SNAPC3: variants seen among roughly 807,000 people sequenced by gnomAD.
SNAPC3 encodes small nuclear RNA activating complex polypeptide 3.
A neutral mutation model predicts 47.7 loss-of-function variants in SNAPC3; 56 were observed. The ratio of observed to expected loss-of-function variants is 1.18; its 90% confidence interval spans 0.95 to 1.47. SNAPC3 has a LOEUF of 1.47. Ranked by LOEUF, SNAPC3 falls within the 40% of genes most tolerant of loss-of-function variation. The pLI is 0.00. For synonymous variants in SNAPC3, 235 were observed against 189.9 expected (o/e 1.24, Z -1.95); for missense variants, 665 against 511.3 (o/e 1.30, Z -2.90).
chr9:15,449,743 G>A (rs1040527896), intron 5 of SNAPC3, among the ~76,000 whole-genome samples: 1 of 151,040 alleles, frequency 6.6e-6, no homozygotes, highest in African/African-American at 2.4e-5. Flanking sequence ...GCTAATTTTT[G>A]TATTTTTAGT....
At chr9:15,449,308 A>G (rs2034184093) in intron 5 of SNAPC3, among the ~76,000 whole-genome samples, 1 of 151,806 alleles carries the variant, frequency 6.6e-6, no homozygotes, top group African/African-American at 2.4e-5. Flanking sequence ...CCTTCAGGAA[A>G]CCCTGGAGAA....
chr9:15,449,979 GT>G (rs1426090755), intron 5 of SNAPC3, among the ~76,000 whole-genome samples: 2 of 152,004 alleles, frequency 1.3e-5, no homozygotes, highest in Admixed American at 1.3e-4. Context: ...CTAAGATGAA[GT>G]TTTATGGCAG....
At chr9:15,453,415 T>G (rs1029317126) in intron 7 of SNAPC3, 9 of 446,694 alleles carry the variant, frequency 2.0e-5, no homozygotes, top group African/African-American at 1.2e-4. Context: ...TTTTGGAAAA[T>G]CTTTAAGAAA....
intron 5 of SNAPC3, 116 bp from the exon 6 acceptor site, chr9:15,451,204 G>GA: frequency 3.2e-6 from 1 of 315,898 alleles, no homozygotes; most frequent in Non-Finnish European, 5.2e-6. Context: ...AATAGTAGCA[G>GA]TTTTTTAACA....
chr9:15,444,609 A>G lies in SNAPC3; in HGVS notation c.485A>G (p.His162Arg). ...QETFVYEMES[H>R]AIGKKPENSA... ...CTCTTTTTCTTTCTTCAGGAGTCAC[A>G]TGCCATAGGAAAAAAGCCTGAAAAT... Residue 162 changes from histidine to arginine, a missense_variant, in exon 4 of 9, where the codon CAT (histidine) becomes CGT (arginine). His to Arg is a conservative substitution (Grantham distance 29, BLOSUM62 0). Coordinates refer to ENST00000380821, the MANE Select transcript of SNAPC3 (RefSeq NM_001039697.2). The G allele has an allele frequency of 1.2e-6, 2 of 1,604,202 alleles. No homozygotes were observed. The highest frequency in any genetic ancestry group is 1.7e-6 in the Non-Finnish European group (2 of 1,171,454).
intron 7 of SNAPC3, 87 bp from the exon 8 acceptor site, chr9:15,457,873 C>CTCAG: frequency 1.3e-6 from 1 of 757,930 alleles, no homozygotes; most frequent in Non-Finnish European, 2.2e-6. Flanking sequence ...TTTCCTAATA[C>CTCAG]TCAGGCACAG....
intron 3 of SNAPC3, among the ~76,000 whole-genome samples, chr9:15,435,798 ATATTT>A (rs1415406257): frequency 1.3e-5 from 2 of 149,478 alleles, no homozygotes; most frequent in African/African-American, 4.9e-5. Flanking sequence ...TAATTTAAAA[ATATTT>A]TATCCCATTC....
At position 15,423,133 on chromosome 9, in the gene SNAPC3, C is replaced by T. The variant is rs781512714; in HGVS notation, c.254C>T (p.Ala85Val). The T allele has an allele frequency of 2.1e-5, 33 of 1,555,912 alleles. No homozygotes were observed. The highest frequency in any genetic ancestry group is 2.7e-5 in the Non-Finnish European group (31 of 1,162,540). ...GCTGACTCCGACCGGGAGGATGCCG[C>T]GGTGGCCAGGGATCTGGACTGCAGC... ...QAADSDREDAAVARDLDCSLE... is the reference protein window; with the variant it reads ...QAADSDREDAVVARDLDCSLE... Residue 85 changes from alanine (A) to valine (V), a missense_variant, in exon 1 of 9, where the codon GCG becomes GTG. Ala to Val is a moderately conservative substitution (Grantham distance 64). Coordinates refer to ENST00000380821, the MANE Select transcript of SNAPC3 (RefSeq NM_001039697.2).
intron 2 of SNAPC3, chr9:15,431,817 G>A (rs1280980683): frequency 3.3e-5 from 5 of 151,068 alleles, no homozygotes; most frequent in African/African-American, 4.9e-5. Flanking sequence ...GTTGTATTAC[G>A]GATGTGTAAT....
In SNAPC3 at chr9:15,454,113, A is replaced by G. The variant is rs111938262; in HGVS notation, c.980+908A>G. ...CTGAGCATAGTGGTGTGTGCCTGTAATCCCAGCTACTCAGGTTAAAACGTG... is the reference window on the plus strand; with the variant it reads ...CTGAGCATAGTGGTGTGTGCCTGTAGTCCCAGCTACTCAGGTTAAAACGTG... On this transcript the variant is annotated intron_variant, in intron 7 of 8. Transcript: ENST00000380821. Among the ~76,000 whole-genome samples, 462 of 152,200 alleles carry G rather than the reference A, an allele frequency of 3.0e-3. 5 individuals carry two copies. Among genetic ancestry groups the G allele is most frequent in the Middle Eastern group, 6.8e-3 (2 of 294 alleles).
chr9:15,449,526 CTAT>C (rs1034542153), intron 5 of SNAPC3, among the ~76,000 whole-genome samples: 4 of 101,224 alleles, frequency 4.0e-5, no homozygotes, highest in South Asian at 3.3e-4. Flanking sequence ...TCTGTCTCTT[CTAT>C]TATTATTATA....
chr9:15,433,106 G>A (rs894021056), intron 2 of SNAPC3, among the ~76,000 whole-genome samples: 2 of 151,966 alleles, frequency 1.3e-5, no homozygotes, highest in Admixed American at 6.6e-5. Context: ...AGGAACTAGC[G>A]GTCAAACCCA....
At chr9:15,434,046 A>G (rs553851947) in intron 3 of SNAPC3, among the ~76,000 whole-genome samples, 1 of 152,354 alleles carries the variant, frequency 6.6e-6, no homozygotes, top group African/African-American at 2.4e-5. Context: ...TAGACACGAT[A>G]GGTTCAGAAT....
At chr9:15,453,243 TTTTC>T (rs1459805706) in intron 7 of SNAPC3, 38 bp downstream of exon 7, 2 of 1,500,070 alleles carry the variant, frequency 1.3e-6, no homozygotes, top group African/African-American at 1.4e-5. Context: ...TTACCTTTTT[TTTTC>T]TTTATTTCAG....
chr9:15,435,056 C>T (rs547908177), intron 3 of SNAPC3, among the ~76,000 whole-genome samples: 19 of 152,180 alleles, frequency 1.2e-4, no homozygotes, highest in Non-Finnish European at 1.9e-4. Context: ...TCCAATTTCT[C>T]CATGTACTTG....
At chr9:15,423,845 C>G (rs1280385472) in intron 1 of SNAPC3, 64 bp from the exon 2 acceptor site, 1 of 957,448 alleles carries the variant, frequency 1.0e-6, no homozygotes, top group African/African-American at 1.7e-5. Context: ...GGAAAACAAC[C>G]CTAACTCGCT....
intron 5 of SNAPC3, among the ~76,000 whole-genome samples, chr9:15,449,678 C>T (rs1217301063): frequency 6.8e-6 from 1 of 148,084 alleles, no homozygotes; most frequent in African/African-American, 2.5e-5. Flanking sequence ...TCACACGATT[C>T]TCCTGCCTCA....
Position 15,447,085 on chromosome 9 carries a change from T to C in SNAPC3, c.583-10T>C, listed in dbSNP as rs780726015. The stretch of plus-strand genomic sequence containing the variant: ...TCTAAATGAACACTTATTTATTCTT[T>C]GACTTTTAGCACAAAGAACACAAAC... On this transcript the variant is annotated splice_polypyrimidine_tract_variant and intron_variant, in intron 4 of 8. Coordinates refer to ENST00000380821, the MANE Select transcript of SNAPC3 (RefSeq NM_001039697.2). 7 of 1,613,114 alleles carry C rather than the reference T, an allele frequency of 4.3e-6. No individual in the cohort carries two copies. The Admixed American group carries it at 6.7e-5, about 15-fold the overall frequency.
chr9:15,441,967 C>T (rs374297757), intron 3 of SNAPC3, among the ~76,000 whole-genome samples: 5 of 152,056 alleles, frequency 3.3e-5, no homozygotes, highest in Admixed American at 6.5e-5. Flanking sequence ...CCAGAAGGGG[C>T]GGCCAGGCAG....
Sources: allele counts gnomAD v4.1 joint callset (sites outside exome capture counted in the v4.1 genomes callset), GRCh38; gene constraint gnomAD v4.1.1; transcripts MANE v1.5; gene names NCBI Gene and HGNC (gene_info 2026-07-23, HGNC 2026-07-21).